Variants in ERCC8 observed in about 807,000 individuals in gnomAD.
ERCC8 encodes DNA excision repair protein ERCC-8.
A neutral mutation model predicts 54.9 loss-of-function variants in ERCC8; 52 were observed. That is an observed-to-expected ratio of 0.95 (90% CI 0.76 to 1.19). The LOEUF is 1.19. Ranked by LOEUF, ERCC8 falls within the 50% of genes most tolerant of loss-of-function variation. The pLI, the probability that ERCC8 is intolerant of heterozygous loss-of-function variation, is 0.00. For synonymous variants in ERCC8, 146 were observed against 157.2 expected, an observed-to-expected ratio of 0.93 and a Z score of 0.53; for missense variants, 514 against 466.1, an observed-to-expected ratio of 1.10 and a Z score of -0.95.
intron 1 of ERCC8, among the ~76,000 whole-genome samples, chr5:60,936,154 A>C (rs1159947761): frequency 1.3e-5 from 2 of 151,772 alleles, no homozygotes; most frequent in African/African-American, 2.4e-5. Flanking sequence ...CTGTACCTAA[A>C]CTTTTTTTGG....
intron 4 of ERCC8, among the ~76,000 whole-genome samples, chr5:60,907,946 G>C (rs1177945208): frequency 7.2e-5 from 11 of 151,998 alleles, no homozygotes; most frequent in Admixed American, 7.2e-4. Flanking sequence ...GATTTAATCT[G>C]TCAGTAGCAT....
At chr5:60,936,537 T>C (rs1750071668) in intron 1 of ERCC8, among the ~76,000 whole-genome samples, 2 of 152,198 alleles carry the variant, frequency 1.3e-5, no homozygotes, top group African/African-American at 2.4e-5. Context: ...TCTGCTCTGA[T>C]CTTGGTTATT....
At chr5:60,942,521 A>T (rs1750291219) in intron 1 of ERCC8, among the ~76,000 whole-genome samples, 1 of 152,220 alleles carries the variant, frequency 6.6e-6, no homozygotes, top group Admixed American at 6.5e-5. Context: ...TAATGTAATT[A>T]TGCTGAGTGA....
Position 60,899,672 on chromosome 5 carries a change from T to C in ERCC8, c.673A>G (p.Thr225Ala). ...TTTTTCCCATTATGTTGATCAAGAG[T>C]AATCAAACATCCTGATGCTCTTCTC... ...DVRRASGCLI[T>A]LDQHNGKKSQ... Residue 225 changes from threonine (T) to alanine (A), a missense_variant, in exon 8 of 12, where the codon ACT (threonine) becomes GCT (alanine). Physicochemically the swap from Thr to Ala is moderately conservative, Grantham distance 58 (BLOSUM62 0). Coordinates refer to ENST00000676185, the MANE Select transcript of ERCC8 (RefSeq NM_000082.4). The C allele has an allele frequency of 6.2e-7, 1 of 1,612,394 alleles. No individual in the cohort carries two copies. The highest frequency in any genetic ancestry group is 8.5e-7 in the Non-Finnish European group (1 of 1,178,974).
In ERCC8 at chr5:60,872,863, C is replaced by A. The variant is rs536565712; in HGVS notation, c.*1752G>T. Among the ~76,000 whole-genome samples, 13 of 152,252 alleles carry A rather than the reference C, an allele frequency of 8.5e-5. No individual in the cohort carries two copies. Among genetic ancestry groups the A allele is most frequent in the African/African-American group, 2.6e-4 (11 of 41,552 alleles). On this transcript the variant is annotated 3_prime_UTR_variant, in exon 12 of 12. Coordinates refer to ENST00000676185, the MANE Select transcript of ERCC8 (RefSeq NM_000082.4). ...GTATGTCAAAGAGATATCTGCACTA[C>A]CAGGTTCACTGCAGCATTATTCACA...
At chr5:60,890,359 A>G (rs1748511431) in intron 10 of ERCC8, among the ~76,000 whole-genome samples, 1 of 152,216 alleles carries the variant, frequency 6.6e-6, no homozygotes, top group African/African-American at 2.4e-5. Flanking sequence ...ATGTTCTCTG[A>G]AAAAATGAAA....
chr5:60,876,091 A>G (rs1747996682), intron 11 of ERCC8, among the ~76,000 whole-genome samples: 1 of 150,490 alleles, frequency 6.6e-6, no homozygotes, highest in Non-Finnish European at 1.5e-5. Flanking sequence ...AAGTGTTCTT[A>G]CTGTTCAATT....
chr5:60,944,706 C>A (rs1750374593), intron 1 of ERCC8, among the ~76,000 whole-genome samples: 5 of 6,336 alleles, frequency 7.9e-4, no homozygotes, highest in African/African-American at 1.5e-3. Context: ...CGCGGGGGAA[C>A]CCCCCCCCCA....
chr5:60,890,523 A>T (rs191603480), intron 10 of ERCC8, among the ~76,000 whole-genome samples: 8 of 152,350 alleles, frequency 5.3e-5, no homozygotes, highest in Admixed American at 5.2e-4. Context: ...TCATCCACAC[A>T]TACATAAACC....
intron 2 of ERCC8, among the ~76,000 whole-genome samples, chr5:60,924,885 T>C (rs911480134): frequency 1.3e-4 from 20 of 152,286 alleles, no homozygotes; most frequent in African/African-American, 4.8e-4. Context: ...GAGCATCTCA[T>C]TTCTGAGGTT....
At chr5:60,892,504 C>G (rs1748592464) in intron 9 of ERCC8, 3 of 590,932 alleles carry the variant, frequency 5.1e-6, no homozygotes, top group Admixed American at 2.0e-5. Flanking sequence ...CTCACCCAGT[C>G]AGCTAGGACA....
At chr5:60,904,678 ATATAT>A (rs1328950357) in intron 5 of ERCC8, 109 bp downstream of exon 5, 18 of 193,306 alleles carry the variant, frequency 9.3e-5, no homozygotes, top group African/African-American at 1.2e-4. Flanking sequence ...ATATATATAT[ATATAT>A]AAAATTGTGA....
intron 11 of ERCC8, among the ~76,000 whole-genome samples, chr5:60,875,018 A>G (rs930882394): frequency 1.3e-5 from 2 of 152,204 alleles, no homozygotes; most frequent in African/African-American, 4.8e-5. Flanking sequence ...AATTACCTGG[A>G]GAAAGTGGCA....
chr5:60,872,678 A>T lies in ERCC8; in HGVS notation c.*1937T>A, dbSNP rs1338528537. Among the ~76,000 whole-genome samples the T allele has an allele frequency of 6.6e-6, 1 of 152,212 alleles. No homozygotes were observed. The highest frequency in any genetic ancestry group is 6.5e-5 in the Admixed American group (1 of 15,284). The stretch of plus-strand genomic sequence containing the variant: ...GTGAAGAAAAAGGATTTCTTGCATT[A>T]TTGTGAAGAAAAAGGAATTCTTGCA... On this transcript the variant is annotated 3_prime_UTR_variant, in exon 12 of 12. Transcript: ENST00000676185.
Position 60,866,568 on chromosome 5 carries a change from G to T in ERCC8, c.*8047C>A, listed in dbSNP as rs2112443514. 6.6e-6 allele frequency: 1 copy of T among 152,222 alleles called. No homozygotes were observed. Among genetic ancestry groups the T allele is most frequent in the Non-Finnish European group, 1.5e-5 (1 of 68,016 alleles). The allele number at this position is 152,222 out of a possible 1,614,324, so 9.4% of individuals were successfully genotyped here. A position where few individuals can be genotyped will look rare whatever the true frequency, so the allele number is the denominator to read the frequency against. On this transcript the variant is annotated 3_prime_UTR_variant, in exon 12 of 12. Coordinates refer to ENST00000676185, the MANE Select transcript of ERCC8 (RefSeq NM_000082.4). ...AAAATCAAATAGGTAATCAATGATG[G>T]CTCCATAATAATTCACATGGAAACT...
intron 1 of ERCC8, among the ~76,000 whole-genome samples, chr5:60,937,312 T>C (rs1485394541): frequency 6.6e-6 from 1 of 152,202 alleles, no homozygotes; most frequent in Non-Finnish European, 1.5e-5. Flanking sequence ...ATAGAAAGGA[T>C]ACATGCTTGC....
At chr5:60,875,126 A>G (rs1747960351) in intron 11 of ERCC8, among the ~76,000 whole-genome samples, 1 of 152,214 alleles carries the variant, frequency 6.6e-6, no homozygotes, top group African/African-American at 2.4e-5. Context: ...TTGGATGAAA[A>G]TAACTTTTAT....
rs1580022222 is a variant in ERCC8, at chr5:60,917,990, A to G, written c.399+275T>C. 7.2e-6 allele frequency: 3 copies of G among 416,716 alleles called. No homozygotes were observed. The East Asian group carries it at 1.6e-4, about 22-fold the overall frequency. 25.8% of individuals were successfully genotyped at this position (416,716 alleles called of 1,614,324 possible). On this transcript the variant is annotated intron_variant, in intron 4 of 11. Transcript: ENST00000676185. ...ATGTACTGTACTAGGTACTTTACAT[A>G]TTTTGGCTCATTTAATCCTCACAAC... is the stretch of plus-strand genomic sequence containing the variant.
At chr5:60,912,656 C>A (rs1389164865) in intron 4 of ERCC8, among the ~76,000 whole-genome samples, 1 of 152,080 alleles carries the variant, frequency 6.6e-6, no homozygotes, top group Non-Finnish European at 1.5e-5. Flanking sequence ...GAGAGGGCAT[C>A]CCTGTCTTGT....
Sources: allele counts gnomAD v4.1 joint callset (sites outside exome capture counted in the v4.1 genomes callset), GRCh38; gene constraint gnomAD v4.1.1; transcripts MANE v1.5; gene names NCBI Gene and HGNC (gene_info 2026-07-23, HGNC 2026-07-21).